The following ZBTB47 variants were observed in gnomAD, a reference collection of about 807,000 sequenced individuals.
ZBTB47 encodes the protein zinc finger and BTB domain containing 47, also known as zinc finger and BTB domain-containing protein 47.
Under a neutral mutation model 56.6 loss-of-function variants are expected in ZBTB47, and 24 were observed. The observed-to-expected ratio is 0.42, with a 90% confidence interval of 0.31 to 0.60. The LOEUF is 0.60. Ranked by LOEUF, ZBTB47 falls within the 20% of genes least tolerant of loss-of-function variation. The pLI, the probability that ZBTB47 is intolerant of heterozygous loss-of-function variation, is 0.14. For missense variants in ZBTB47, 829 were observed against 1,032.6 expected (o/e 0.80, Z 2.70); for synonymous variants, 414 against 418.9 (o/e 0.99, Z 0.14).
rs1229664514 is a variant in ZBTB47 at position 42,661,765 on chromosome 3, G to A, written c.1621+133G>A. The A allele has an allele frequency of 2.2e-5, 29 of 1,290,684 alleles. No individual in the cohort carries two copies. In the Admixed American group the frequency reaches 3.1e-4, roughly 14 times the overall value. The allele number at this position is 1,290,684 out of a possible 1,614,324, so 80.0% of individuals were successfully genotyped here. On this transcript the variant is annotated intron_variant, in intron 3 of 5. Coordinates refer to ENST00000232974, the MANE Select transcript of ZBTB47 (RefSeq NM_145166.4). ...GGCCCCTCTCAGCTAGGAGGCCTGG[G>A]GAGGTTGGTTCCAGTGGCAGGTGTA...
At position 42,654,486 on chromosome 3, in the gene ZBTB47, C is replaced by G. The variant is rs1008009245; in HGVS notation, c.-82+603C>G. On this transcript the variant is annotated intron_variant, in intron 1 of 5. Transcript: ENST00000232974. This position sits in a 1 kb window ranked among gnomAD's most constrained non-coding sequence, Gnocchi z 5.0. ...CGCCCCGCGCCCCCCGCCCGCCGCG[C>G]CCGAGGCTCTGGGGCCGCAGCTGCT... The G allele has an allele frequency of 2.5e-5, 4 of 157,336 alleles. No homozygotes were observed. The highest frequency in any genetic ancestry group is 7.3e-5 in the African/African-American group (3 of 41,284). 9.7% of individuals were successfully genotyped at this position (157,336 alleles called of 1,614,324 possible).
At chr3:42,657,120 C>G (rs939128321) in intron 1 of ZBTB47, among the ~76,000 whole-genome samples, 7 of 152,304 alleles carry the variant, frequency 4.6e-5, no homozygotes, top group South Asian at 2.1e-4. Flanking sequence ...ACTGGGCAGG[C>G]TGCCTGTCTG....
rs907966030 is a variant in ZBTB47, at chr3:42,654,383, C to G, written c.-82+500C>G. On this transcript the variant is annotated intron_variant, in intron 1 of 5. Transcript: ENST00000232974. The surrounding 1 kb of genome is among the most constrained non-coding windows in gnomAD (Gnocchi z 5.0). Reference sequence around the variant, plus strand: ...ACCGCGCACACCACGCGTGTCCGCGCCCCCCGCCGGCACGCAGGCGGCCTG... The same window carrying G: ...ACCGCGCACACCACGCGTGTCCGCGGCCCCCGCCGGCACGCAGGCGGCCTG... The G allele has an allele frequency of 6.6e-6, 1 of 151,436 alleles. No individual in the cohort carries two copies. Among genetic ancestry groups the G allele is most frequent in the Non-Finnish European group, 1.5e-5 (1 of 67,630 alleles). 9.4% of individuals were successfully genotyped at this position (151,436 alleles called of 1,614,324 possible). A position where few individuals can be genotyped will look rare whatever the true frequency, so the allele number is the denominator to read the frequency against.
chr3:42,654,625 G>T lies in ZBTB47; in HGVS notation c.-82+742G>T, dbSNP rs1710614342. The T allele has an allele frequency of 2.0e-6, 2 of 978,312 alleles. No individual in the cohort carries two copies. The highest frequency in any genetic ancestry group is 2.4e-6 in the Non-Finnish European group (2 of 824,342). 60.6% of individuals were successfully genotyped at this position (978,312 alleles called of 1,614,324 possible). A position where few individuals can be genotyped will look rare whatever the true frequency, so the allele number is the denominator to read the frequency against. ...CCCCAGCGCGGCGCTTCATGGAGCG[G>T]CCCTGGCCTGGCCGCCGGGGGCAGC... On this transcript the variant is annotated intron_variant, in intron 1 of 5. Coordinates refer to ENST00000232974, the MANE Select transcript of ZBTB47 (RefSeq NM_145166.4). This position sits in a 1 kb window ranked among gnomAD's most constrained non-coding sequence, Gnocchi z 5.0.
Position 42,659,351 on chromosome 3 carries a change from AGAG to A in ZBTB47, c.1002_1004del (p.Glu335del), listed in dbSNP as rs1329732050. ...AGCAGGAAGAGGAAGAGGAGGAGGA[AGAG>A]GAGGAAGGGCCTAGTGAGCAGGATC... On this transcript the variant is annotated inframe_deletion, in exon 2 of 6. Transcript: ENST00000232974. 21 of 1,374,062 alleles carry A rather than the reference AGAG, an allele frequency of 1.5e-5. No individual in the cohort carries two copies. Among genetic ancestry groups the A allele is most frequent in the Non-Finnish European group, 6.7e-6 (7 of 1,038,500 alleles). The allele number at this position is 1,374,062 out of a possible 1,614,324, so 85.1% of individuals were successfully genotyped here.
upstream of ZBTB47, among the ~76,000 whole-genome samples, chr3:42,653,014 G>A (rs1474713414): frequency 6.6e-6 from 1 of 152,184 alleles, no homozygotes; most frequent in African/African-American, 2.4e-5. Context: ...CTGGGAGCTG[G>A]GCCAGCTGTC....
In ZBTB47 at chr3:42,663,247, G is replaced by A; in HGVS notation, c.1737+120G>A. The A allele has an allele frequency of 4.0e-6, 3 of 742,748 alleles. No individual in the cohort carries two copies. In the South Asian group the frequency reaches 4.9e-5, roughly 12 times the overall value. The allele number at this position is 742,748 out of a possible 1,614,324, so 46.0% of individuals were successfully genotyped here. ...GTGGAATGTAGTGTCCAGAAAGAGAGAGCCCTGCCCTCTGAGGTCTGCAGC... is the reference window on the plus strand; with the variant it reads ...GTGGAATGTAGTGTCCAGAAAGAGAAAGCCCTGCCCTCTGAGGTCTGCAGC... On this transcript the variant is annotated intron_variant, in intron 4 of 5. Coordinates refer to ENST00000232974, the MANE Select transcript of ZBTB47 (RefSeq NM_145166.4). The surrounding 1 kb of genome is among the most constrained non-coding windows in gnomAD (Gnocchi z 5.1).
chr3:42,659,111 G>C lies in ZBTB47; in HGVS notation c.756G>C (p.Glu252Asp). ...CACTGCACGTGTCCACGGGGCCAGA[G>C]GGGAAGCCAGGTGCCGGGCCAAGCC... ...NQTLHVSTGP[E>D]GKPGAGPSPA... The change falls in exon 2 of 6, where the codon GAG becomes GAC. Residue 252 changes from glutamate to aspartate, a missense_variant. By Grantham distance (45) the Glu-to-Asp change is conservative. Coordinates refer to ENST00000232974, the MANE Select transcript of ZBTB47 (RefSeq NM_145166.4). 6.7e-7 allele frequency: 1 copy of C among 1,498,376 alleles called. No individual in the cohort carries two copies. The highest frequency in any genetic ancestry group is 8.9e-7 in the Non-Finnish European group (1 of 1,126,764). 92.8% of individuals were successfully genotyped at this position (1,498,376 alleles called of 1,614,324 possible). A position where few individuals can be genotyped will look rare whatever the true frequency, so the allele number is the denominator to read the frequency against.
At chr3:42,664,168 G>C in intron 5 of ZBTB47, 69 bp from the exon 6 acceptor site, 1 of 1,582,018 alleles carries the variant, frequency 6.3e-7, no homozygotes, top group Non-Finnish European at 8.6e-7. Flanking sequence ...CATGGGAGAC[G>C]GAGGCTGGCC....
At position 42,662,812 on chromosome 3, in the gene ZBTB47, C is replaced by G. The variant is rs977570214; in HGVS notation, c.1622-200C>G. 2.0e-5 allele frequency among the ~76,000 whole-genome samples: 3 copies of G among 152,332 alleles called. No individual in the cohort carries two copies. In the South Asian group the frequency reaches 6.2e-4, roughly 32 times the overall value. ...AGAGCCCCAGCATGTCTGAGGCAGACCTTCAGAGCAGATAGGAGACCCAGC... is the reference window on the plus strand; with the variant it reads ...AGAGCCCCAGCATGTCTGAGGCAGAGCTTCAGAGCAGATAGGAGACCCAGC... On this transcript the variant is annotated intron_variant, in intron 3 of 5. Transcript: ENST00000232974.
At chr3:42,661,262 G>A (rs1198783286) in intron 2 of ZBTB47, among the ~76,000 whole-genome samples, 1 of 152,296 alleles carries the variant, frequency 6.6e-6, no homozygotes, top group African/African-American at 2.4e-5. Context: ...CCTGACCCTA[G>A]TTAACTCAAG....
intron 2 of ZBTB47, among the ~76,000 whole-genome samples, 198 bp from the exon 3 acceptor site, chr3:42,661,287 C>G (rs1262499660): frequency 1.3e-5 from 2 of 152,142 alleles, no homozygotes; most frequent in African/African-American, 4.8e-5. Flanking sequence ...AAGGAGGACA[C>G]CAGGCTGTGT....
In ZBTB47 at chr3:42,656,141, C is replaced by G. The variant is rs1710639206; in HGVS notation, c.-81-2134C>G. 3.3e-5 allele frequency among the ~76,000 whole-genome samples: 5 copies of G among 152,220 alleles called. No homozygotes were observed. The highest frequency in any genetic ancestry group is 3.3e-4 in the Admixed American group (5 of 15,292). ...TTTGGCCCCTGGAGGCCCTAAGGAG[C>G]CCCTGTTGCAACCCAAGTTGTACCC... is the stretch of plus-strand genomic sequence containing the variant. On this transcript the variant is annotated intron_variant, in intron 1 of 5. Coordinates refer to ENST00000232974, the MANE Select transcript of ZBTB47 (RefSeq NM_145166.4). This position sits in a 1 kb window ranked among gnomAD's most constrained non-coding sequence, Gnocchi z 5.8.
Position 42,665,386 on chromosome 3 carries a change from C to A in ZBTB47, c.*788C>A. On this transcript the variant is annotated 3_prime_UTR_variant, in exon 6 of 6. Transcript: ENST00000232974. ...CCAGAAGCTGCTGTGCCTCACAGCG[C>A]TGTGAGCCAGACCCTCCTTGGGCAG... The A allele has an allele frequency of 6.5e-6, 1 of 152,798 alleles. No individual in the cohort carries two copies. The highest frequency in any genetic ancestry group is 1.9e-4 in the East Asian group (1 of 5,194). The allele number at this position is 152,798 out of a possible 1,614,324, so 9.5% of individuals were successfully genotyped here.
intron 3 of ZBTB47, 121 bp from the exon 4 acceptor site, chr3:42,662,891 T>C (rs1225171117): frequency 1.4e-6 from 1 of 690,462 alleles, no homozygotes; most frequent in East Asian, 2.7e-5. Flanking sequence ...GGACAGAGTA[T>C]AAGGCCAGCC....
chr3:42,658,602 G>C lies in ZBTB47; in HGVS notation c.247G>C (p.Ala83Pro). ...CTATACGTCCAAGCTGCTGGTCAAC[G>C]CGGCCAACGTCCACGAGGTGCTCAG... ...FIYTSKLLVN[A>P]ANVHEVLSAA... The change falls in exon 2 of 6, where the codon GCG becomes CCG. Residue 83 changes from alanine to proline, a missense_variant. Ala to Pro is a conservative substitution (Grantham distance 27). Around this residue, in one of 6 missense-constraint regions of ZBTB47, gnomAD observed 120 missense variants for 200.2 expected, o/e 0.60. Transcript: ENST00000232974. 6.5e-7 allele frequency: 1 copy of C among 1,537,002 alleles called. No individual in the cohort carries two copies. Among genetic ancestry groups the C allele is most frequent in the Non-Finnish European group, 8.7e-7 (1 of 1,146,930 alleles).
chr3:42,664,309 G>A lies in ZBTB47; in HGVS notation c.1955G>A (p.Arg652His). 1 of 1,613,066 alleles carries A rather than the reference G, an allele frequency of 6.2e-7. No individual in the cohort carries two copies. The highest frequency in any genetic ancestry group is 8.5e-7 in the Non-Finnish European group (1 of 1,179,768). Residue 652 changes from arginine to histidine, a missense_variant, in exon 6 of 6, where the codon CGC (arginine) becomes CAC (histidine). By Grantham distance (29) the Arg-to-His change is conservative. Coordinates refer to ENST00000232974, the MANE Select transcript of ZBTB47 (RefSeq NM_145166.4). ...CGGCCCAACATGAAGCGGCACCGGC[G>A]CACGCACACGGGCGAGAAGCCGTAC... The part of the protein sequence containing the change: ...TSRPNMKRHR[R>H]THTGEKPYPC...
At chr3:42,657,592 T>C (rs1184532831) in intron 1 of ZBTB47, among the ~76,000 whole-genome samples, 2 of 152,174 alleles carry the variant, frequency 1.3e-5, no homozygotes, top group Non-Finnish European at 2.9e-5. Flanking sequence ...GGAGAAGGTA[T>C]AGGCCCTGAG....
In ZBTB47 at chr3:42,659,359, A is replaced by C. The variant is rs1282137452; in HGVS notation, c.1004A>C (p.Glu335Ala). 7.4e-7 allele frequency: 1 copy of C among 1,348,900 alleles called. No homozygotes were observed. Among genetic ancestry groups the C allele is most frequent in the Admixed American group, 2.3e-5 (1 of 43,440 alleles). 83.6% of individuals were successfully genotyped at this position (1,348,900 alleles called of 1,614,324 possible). ...GAGGAAGAGGAGGAGGAAGAGGAGGAAGGGCCTAGTGAGCAGGATCAAGAG... is the reference window on the plus strand; with the variant it reads ...GAGGAAGAGGAGGAGGAAGAGGAGGCAGGGCCTAGTGAGCAGGATCAAGAG... ...QEEEEEEEEE[E>A]GPSEQDQESS... The change falls in exon 2 of 6, where the codon GAA (glutamate) becomes GCA (alanine). Residue 335 changes from glutamate (E) to alanine (A), a missense_variant. Physicochemically the swap from Glu to Ala is moderately radical, Grantham distance 107. Transcript: ENST00000232974.
Sources: allele counts gnomAD v4.1 joint callset (sites outside exome capture counted in the v4.1 genomes callset), GRCh38; gene constraint gnomAD v4.1.1; regional missense constraint gnomAD v4.1.1; non-coding constraint Gnocchi (gnomAD v3.1); transcripts MANE v1.5; gene names NCBI Gene and HGNC (gene_info 2026-07-23, HGNC 2026-07-21).